DOK5: variants seen among roughly 807,000 people sequenced by gnomAD.
DOK5 encodes docking protein 5, also known as downstream of tyrosine kinase 5.
A neutral mutation model predicts 43.3 loss-of-function variants in DOK5; 27 were observed. That is an observed-to-expected ratio of 0.62 (90% CI 0.46 to 0.86). The LOEUF (loss-of-function observed/expected upper bound fraction) is 0.86. DOK5 is among the 40% of genes least tolerant of loss of function. The probability of loss-of-function intolerance (pLI) is 0.00; values close to 1 mark genes in which losing one functional copy is unlikely to be tolerated. For missense variants in DOK5, 373 were observed against 392.9 expected (o/e 0.95, Z 0.43); for synonymous variants, 146 against 140.1 (o/e 1.04, Z -0.30).
At chr20:54,591,591 G>C (rs755907538) in intron 4 of DOK5, 25 bp from the exon 5 acceptor site, 2 of 1,529,716 alleles carry the variant, frequency 1.3e-6, no homozygotes, top group African/African-American at 2.8e-5. Flanking sequence ...GGGGATTTTA[G>C]ACTAACCTTT....
At chr20:54,567,054 C>A (rs1056156232) in intron 2 of DOK5, among the ~76,000 whole-genome samples, 2 of 150,638 alleles carry the variant, frequency 1.3e-5, no homozygotes, top group African/African-American at 2.4e-5. Context: ...GGAGTGTGTG[C>A]GTTTGTGTGT....
chr20:54,481,776 A>G (rs1161978966), intron 1 of DOK5, among the ~76,000 whole-genome samples: 1 of 152,210 alleles, frequency 6.6e-6, no homozygotes, highest in African/African-American at 2.4e-5. Flanking sequence ...TTAAAATCCC[A>G]ACTCACTGGC....
chr20:54,563,664 GTTTTTTT>G lies in DOK5; in HGVS notation c.174+8640_174+8646del, dbSNP rs76886127. ...TGCTTTTCTCTTCTCTATTTGTCAG[GTTTTTTT>G]TTTTTTTTTTTTTTTACTTTCATGT... On this transcript the variant is annotated intron_variant, in intron 2 of 7. Transcript: ENST00000262593. Among the ~76,000 whole-genome samples the G allele has an allele frequency of 2.4e-4, 28 of 114,350 alleles. No homozygotes were observed. In the East Asian group the frequency reaches 6.0e-3, roughly 25 times the overall value. The allele number at this position is 114,350 out of a possible 152,430, so 75.0% of individuals were successfully genotyped here.
chr20:54,539,015 G>T (rs181961355), intron 1 of DOK5, among the ~76,000 whole-genome samples: 41 of 152,290 alleles, frequency 2.7e-4, no homozygotes, highest in African/African-American at 9.4e-4. Flanking sequence ...GGGCACCGTG[G>T]CTTACACCTG....
At chr20:54,530,133 AG>A (rs1397920567) in intron 1 of DOK5, among the ~76,000 whole-genome samples, 3 of 152,250 alleles carry the variant, frequency 2.0e-5, no homozygotes, top group African/African-American at 7.2e-5. Flanking sequence ...ATCATGCACA[AG>A]TGCCATGGTG....
chr20:54,634,375 A>C (rs1431547410), intron 6 of DOK5, among the ~76,000 whole-genome samples: 1 of 149,342 alleles, frequency 6.7e-6, no homozygotes, highest in African/African-American at 2.5e-5. Flanking sequence ...TCTTCATTCA[A>C]TGTTACTTTT....
intron 6 of DOK5, among the ~76,000 whole-genome samples, chr20:54,612,263 C>T (rs1986673715): frequency 6.6e-6 from 1 of 152,154 alleles, no homozygotes; most frequent in African/African-American, 2.4e-5. Context: ...CAAGTGCCTG[C>T]CCCCGTGAGC....
chr20:54,560,169 T>C (rs1277365138), intron 2 of DOK5, among the ~76,000 whole-genome samples: 1 of 152,246 alleles, frequency 6.6e-6, no homozygotes, highest in African/African-American at 2.4e-5. Context: ...ATTCTTTTTT[T>C]ACACAGTTTC....
At chr20:54,479,464 C>A (rs980130926) in intron 1 of DOK5, among the ~76,000 whole-genome samples, 2 of 152,096 alleles carry the variant, frequency 1.3e-5, no homozygotes, top group African/African-American at 2.4e-5. Context: ...AGGGGAGAGG[C>A]AAATCAGGCA....
intron 1 of DOK5, among the ~76,000 whole-genome samples, chr20:54,494,632 C>A (rs1253881335): frequency 6.6e-6 from 1 of 151,734 alleles, no homozygotes; most frequent in Non-Finnish European, 1.5e-5. Flanking sequence ...TAAAATAGCT[C>A]GTTAGTTTAA....
intron 6 of DOK5, among the ~76,000 whole-genome samples, chr20:54,632,807 T>A (rs3918505): frequency 0.28 from 43,037 of 152,150 alleles, 8,020 homozygotes; most frequent in African/African-American, 0.53. Context: ...CCGGGAGCAG[T>A]GGCTCACACC....
At chr20:54,632,653 T>G (rs1041251779) in intron 6 of DOK5, among the ~76,000 whole-genome samples, 2 of 152,220 alleles carry the variant, frequency 1.3e-5, no homozygotes, top group African/African-American at 4.8e-5. Flanking sequence ...GACTTTCACG[T>G]GGGCTCTTAC....
chr20:54,620,119 C>T (rs1986934229), intron 6 of DOK5, among the ~76,000 whole-genome samples: 1 of 152,160 alleles, frequency 6.6e-6, no homozygotes, highest in Admixed American at 6.5e-5. Flanking sequence ...TTTTTATATC[C>T]TGGCATATTA....
chr20:54,475,935 CG>C lies in DOK5; in HGVS notation c.-10del, dbSNP rs1568743535. On this transcript the variant is annotated 5_prime_UTR_variant, in exon 1 of 8. Transcript: ENST00000262593. The surrounding 1 kb of genome is among the most constrained non-coding windows in gnomAD (Gnocchi z 4.2). ...CGCTCTTGGGTAAAGGGGGGGTCACCGGCTGTCTGGGATGGCTTCCAATTTT... is the reference window on the plus strand; with the variant it reads ...CGCTCTTGGGTAAAGGGGGGGTCACCGCTGTCTGGGATGGCTTCCAATTTT... 4 of 1,612,900 alleles carry C rather than the reference CG, an allele frequency of 2.5e-6. No individual in the cohort carries two copies. Among genetic ancestry groups the C allele is most frequent in the Non-Finnish European group, 3.4e-6 (4 of 1,179,868 alleles).
intron 2 of DOK5, among the ~76,000 whole-genome samples, chr20:54,560,303 A>G (rs112032653): frequency 1.3e-5 from 2 of 152,176 alleles, no homozygotes; most frequent in African/African-American, 4.8e-5. Flanking sequence ...TCCCCTCCTC[A>G]TGTAAGAAAC....
intron 4 of DOK5, 49 bp from the exon 5 acceptor site, chr20:54,591,567 G>A (rs1985974091): frequency 2.1e-6 from 3 of 1,398,412 alleles, no homozygotes; most frequent in Non-Finnish European, 2.9e-6. Context: ...CAATGTCTTT[G>A]ATGTTTTATT....
chr20:54,561,398 G>A (rs1984899091), intron 2 of DOK5, among the ~76,000 whole-genome samples: 1 of 152,138 alleles, frequency 6.6e-6, no homozygotes, highest in South Asian at 2.1e-4. Context: ...TGGCCTCAGG[G>A]GAATAAGCAC....
chr20:54,646,892 CTTT>C (rs11483952), intron 7 of DOK5, among the ~76,000 whole-genome samples: 3 of 138,120 alleles, frequency 2.2e-5, no homozygotes, highest in Admixed American at 7.2e-5. Flanking sequence ...GAATTTCAGG[CTTT>C]TTTTTTTTTT....
chr20:54,515,956 C>G (rs1465564716), intron 1 of DOK5, among the ~76,000 whole-genome samples: 1 of 152,148 alleles, frequency 6.6e-6, no homozygotes, highest in South Asian at 2.1e-4. Flanking sequence ...GACAGCAGTC[C>G]CTGATTCGAT....
Sources: gnomAD v4.1 joint callset for allele counts (sites outside exome capture counted in the v4.1 genomes callset) on GRCh38, gnomAD v4.1.1 for gene constraint, Gnocchi (gnomAD v3.1) non-coding constraint, MANE v1.5 for transcripts, NCBI Gene and HGNC (gene_info 2026-07-23, HGNC 2026-07-21) for gene names.